TNRC6C: variants seen among roughly 807,000 people sequenced by gnomAD.
TNRC6C encodes trinucleotide repeat containing adaptor 6C.
Under a neutral mutation model 153.7 loss-of-function variants are expected in TNRC6C, and 20 were observed. That is an observed-to-expected ratio of 0.13 (90% CI 0.09 to 0.19). The LOEUF (loss-of-function observed/expected upper bound fraction) is 0.19. Among genes scored for constraint, TNRC6C ranks in the 10% least tolerant of loss-of-function variants. TNRC6C has a pLI of 1.00. For missense variants in TNRC6C, 1,987 were observed against 2,172.0 expected (o/e 0.91, Z 1.69); for synonymous variants, 811 against 841.4 (o/e 0.96, Z 0.63).
Position 78,051,451 on chromosome 17 carries a change from A to T in TNRC6C, c.2389A>T (p.Arg797Trp). ...TCGATCACCGTTGCTTGGTCCAGGT[A>T]GGAAAGGTATTTCATGTTTCTTTAC... Residue 797 changes from arginine (R) to tryptophan (W), a missense_variant, in exon 3 of 20, where the codon AGG (arginine) becomes TGG (tryptophan). Physicochemically the swap from Arg to Trp is moderately radical, Grantham distance 101. This residue lies in a region of TNRC6C where 1,052 missense variants were observed against 1,017.0 expected (regional missense o/e 1.03). Transcript: ENST00000301624. 7.2e-7 allele frequency: 1 copy of T among 1,393,042 alleles called. No individual in the cohort carries two copies. 86.3% of individuals were successfully genotyped at this position (1,393,042 alleles called of 1,614,324 possible). A position where few individuals can be genotyped will look rare whatever the true frequency, so the allele number is the denominator to read the frequency against.
chr17:78,081,612 G>A (rs1187440289), intron 10 of TNRC6C, among the ~76,000 whole-genome samples: 1 of 152,068 alleles, frequency 6.6e-6, no homozygotes, highest in Non-Finnish European at 1.5e-5. Flanking sequence ...TGCAGGGATC[G>A]GGGGTGACTC....
chr17:78,046,922 A>G (rs895885550), intron 2 of TNRC6C, among the ~76,000 whole-genome samples: 1 of 152,224 alleles, frequency 6.6e-6, no homozygotes, highest in Non-Finnish European at 1.5e-5. Context: ...GTAGACCATT[A>G]ACAAAGGGCA....
At position 78,091,580 on chromosome 17, in the gene TNRC6C, C is replaced by T. The variant is rs1302015314; in HGVS notation, c.3943C>T (p.Pro1315Ser). 8.2e-6 allele frequency: 13 copies of T among 1,576,752 alleles called. No individual in the cohort carries two copies. In the African/African-American group the frequency reaches 1.1e-4, roughly 13 times the overall value. Residue 1315 changes from proline (P) to serine (S), a missense_variant, in exon 14 of 20, where the codon CCC (proline) becomes TCC (serine). Physicochemically the swap from Pro to Ser is moderately conservative, Grantham distance 74. This residue lies in a region of TNRC6C where 765 missense variants were observed against 908.6 expected (regional missense o/e 0.84). Coordinates refer to ENST00000301624, the Ensembl canonical transcript of TNRC6C. ...GGATAACTTGCCCAGTGCCGCTTCC[C>T]CCCTGGAGCAGAACCCTAGCAAGCA... is the stretch of plus-strand genomic sequence containing the variant.
intron 2 of TNRC6C, among the ~76,000 whole-genome samples, chr17:78,042,656 G>C (rs1255677280): frequency 6.6e-6 from 1 of 151,690 alleles, no homozygotes; most frequent in African/African-American, 2.4e-5. Context: ...AGAATATGTG[G>C]TGATGGTGGT....
intron 4 of TNRC6C, among the ~76,000 whole-genome samples, chr17:78,065,551 A>G (rs1045688643): frequency 6.6e-6 from 1 of 152,226 alleles, no homozygotes; most frequent in Non-Finnish European, 1.5e-5. Flanking sequence ...TACCTGCCAC[A>G]TTAAGTAATT....
In TNRC6C at chr17:78,104,080, G is replaced by A. The variant is rs2073645677; in HGVS notation, c.4713-405G>A. ...CTCCCTGTGACACATTCCTACACAG[G>A]GCCCAGCAGTGGTCCTCACAGCCAA... On this transcript the variant is annotated intron_variant, in intron 19 of 19. Coordinates refer to ENST00000301624, the Ensembl canonical transcript of TNRC6C. This position sits in a 1 kb window ranked among gnomAD's most constrained non-coding sequence, Gnocchi z 6.2. 6.6e-6 allele frequency among the ~76,000 whole-genome samples: 1 copy of A among 152,072 alleles called. No homozygotes were observed. Among genetic ancestry groups the A allele is most frequent in the African/African-American group, 2.4e-5 (1 of 41,386 alleles).
chr17:77,976,551 A>G (rs1284015376), intron 1 of TNRC6C, among the ~76,000 whole-genome samples: 2 of 152,204 alleles, frequency 1.3e-5, no homozygotes, highest in South Asian at 2.1e-4. Context: ...TGGATTCTTC[A>G]TCGCTGAAGT....
chr17:77,974,098 A>C (rs919114472), intron 1 of TNRC6C, among the ~76,000 whole-genome samples: 1 of 152,054 alleles, frequency 6.6e-6, no homozygotes, highest in Non-Finnish European at 1.5e-5. Flanking sequence ...AAAAGAATGG[A>C]GGTAAAACAG....
chr17:78,074,334 AC>A (rs2073048402), intron 7 of TNRC6C, among the ~76,000 whole-genome samples: 1 of 152,196 alleles, frequency 6.6e-6, no homozygotes, highest in African/African-American at 2.4e-5. Context: ...TCCACAAATA[AC>A]CACAAACAGT....
At position 78,079,383 on chromosome 17, in the gene TNRC6C, G is replaced by C; in HGVS notation, c.3211-12G>C. On this transcript the variant is annotated splice_polypyrimidine_tract_variant and intron_variant, in intron 9 of 19. Transcript: ENST00000301624. The surrounding 1 kb of genome is among the most constrained non-coding windows in gnomAD (Gnocchi z 4.3). ...CTGCCTTGGTAACGTGTTTAATTCT[G>C]TCCCTGTGCAGATACCGAGTGGCAA... 2 of 1,613,256 alleles carry C rather than the reference G, an allele frequency of 1.2e-6. No homozygotes were observed. Among genetic ancestry groups the C allele is most frequent in the Non-Finnish European group, 1.7e-6 (2 of 1,179,406 alleles).
rs527952043 is a variant in TNRC6C, at chr17:78,038,536, G to A, written c.-219+6694G>A. On this transcript the variant is annotated intron_variant, in intron 2 of 19. Transcript: ENST00000301624. ...AAAAAAAAAATACAAAAAATTAGCC[G>A]GGCGTGGTGGCGGGCGCCTGTAGTC... Among the ~76,000 whole-genome samples, 624 of 151,858 alleles carry A rather than the reference G, an allele frequency of 4.1e-3. 8 individuals carry two copies. The highest frequency in any genetic ancestry group is 0.014 in the African/African-American group (582 of 41,398).
intron 1 of TNRC6C, among the ~76,000 whole-genome samples, chr17:78,022,635 T>C (rs1183218735): frequency 6.6e-6 from 1 of 152,182 alleles, no homozygotes; most frequent in Non-Finnish European, 1.5e-5. Context: ...GGATGATTTC[T>C]AAGGTTCCTG....
At chr17:78,005,197 A>C in intron 1 of TNRC6C, 118 bp downstream of exon 3, 1 of 623,258 alleles carries the variant, frequency 1.6e-6, no homozygotes, top group Middle Eastern at 5.0e-4. Context: ...CTGCCTTTGA[A>C]ACTATTTTTT....
At chr17:77,982,335 G>GAA (rs140883317) in intron 1 of TNRC6C, among the ~76,000 whole-genome samples, 109 of 147,134 alleles carry the variant, frequency 7.4e-4, no homozygotes, top group African/African-American at 2.7e-3. Flanking sequence ...TGTAAGAACT[G>GAA]AAAAAAAAAA....
intron 2 of TNRC6C, among the ~76,000 whole-genome samples, chr17:78,044,925 A>G (rs2072375734): frequency 6.6e-6 from 1 of 152,212 alleles, no homozygotes; most frequent in South Asian, 2.1e-4. Context: ...TGGATTTGAG[A>G]TGGGAAAAAA....
chr17:78,054,197 A>G (rs1598738262), intron 3 of TNRC6C, among the ~76,000 whole-genome samples: 1 of 152,302 alleles, frequency 6.6e-6, no homozygotes, highest in African/African-American at 2.4e-5. Flanking sequence ...GTGCACCTGT[A>G]TAGGGCACTT....
chr17:78,073,936 G>A (rs2073041204), intron 7 of TNRC6C, among the ~76,000 whole-genome samples: 1 of 152,114 alleles, frequency 6.6e-6, no homozygotes, highest in Non-Finnish European at 1.5e-5. Context: ...CCATAGCTCT[G>A]TCACATGCCC....
intron 3 of TNRC6C, among the ~76,000 whole-genome samples, chr17:78,063,044 G>A (rs1007580959): frequency 4.6e-5 from 7 of 151,888 alleles, no homozygotes; most frequent in Non-Finnish European, 7.4e-5. Flanking sequence ...TCAGGAGTTC[G>A]AGACCAGCCT....
chr17:78,008,708 A>G (rs1202662773), intron 1 of TNRC6C: 1 of 152,134 alleles, frequency 6.6e-6, no homozygotes, highest in Non-Finnish European at 1.5e-5. Context: ...GTTGTAGTCA[A>G]CTTTTTCTTA....
Sources: gnomAD v4.1 joint callset for allele counts (sites outside exome capture counted in the v4.1 genomes callset) on GRCh38, gnomAD v4.1.1 for gene constraint, gnomAD v4.1.1 regional missense constraint, Gnocchi (gnomAD v3.1) non-coding constraint, MANE v1.5 for transcripts, NCBI Gene and HGNC (gene_info 2026-07-23, HGNC 2026-07-21) for gene names.